The following APOBEC3F variants were observed in gnomAD, a reference collection of about 807,000 sequenced individuals.
The protein encoded by APOBEC3F is DNA dC->dU-editing enzyme APOBEC-3F.
APOBEC3F carries 34 observed loss-of-function variants against 45.8 expected under a neutral mutation model. The ratio of observed to expected loss-of-function variants is 0.74; its 90% confidence interval spans 0.57 to 0.99. The LOEUF (loss-of-function observed/expected upper bound fraction) is 0.99, where lower values mean the gene tolerates loss of function less well. Ranked by LOEUF, APOBEC3F falls within the 50% of genes least tolerant of loss-of-function variation. The pLI is 0.00. For synonymous variants in APOBEC3F, 192 were observed against 174.4 expected (o/e 1.10, Z -0.80); for missense variants, 459 against 474.1 (o/e 0.97, Z 0.30).
chr22:39,051,259 C>T (rs1329591625), intron 5 of APOBEC3F, among the ~76,000 whole-genome samples: 2 of 151,394 alleles, frequency 1.3e-5, no homozygotes, highest in Non-Finnish European at 2.9e-5. Flanking sequence ...AGAGGAACGG[C>T]CAGGTGCAGT....
chr22:39,045,565 A>G lies in APOBEC3F; in HGVS notation c.566+23A>G, dbSNP rs189630104. On this transcript the variant is annotated intron_variant, in intron 4 of 6. Coordinates refer to ENST00000308521, the MANE Select transcript of APOBEC3F (RefSeq NM_145298.6). Reference sequence around the variant, plus strand: ...CAGGTGAGGGTCTCCCTCTGGCCTCATCGTCTGTCTCCTCTCGCCTCCTGC... The same window carrying G: ...CAGGTGAGGGTCTCCCTCTGGCCTCGTCGTCTGTCTCCTCTCGCCTCCTGC... The G allele has an allele frequency of 1.4e-5, 23 of 1,613,792 alleles. No homozygotes were observed. The East Asian group carries it at 4.9e-4, about 34-fold the overall frequency.
chr22:39,044,298 C>T, intron 2 of APOBEC3F: 1 of 1,514,778 alleles, frequency 6.6e-7, no homozygotes, highest in Non-Finnish European at 8.8e-7. Context: ...ACGCATGAGG[C>T]TCTGAACAGG....
In APOBEC3F at chr22:39,045,110, C is replaced by A; in HGVS notation, c.341C>A (p.Thr114Asn). 6.2e-7 allele frequency: 1 copy of A among 1,614,036 alleles called. No individual in the cohort carries two copies. Among genetic ancestry groups the A allele is most frequent in the Non-Finnish European group, 8.5e-7 (1 of 1,179,972 alleles). ...AEFLAEHPNV[T>N]LTISAARLYY... is the part of the protein sequence containing the mutation. The stretch of plus-strand genomic sequence containing the variant: ...TTCCTGGCTGAGCACCCCAATGTCA[C>A]CCTGACCATCTCCGCCGCCCGCCTC... The change falls in exon 3 of 7, where the codon ACC becomes AAC. Residue 114 changes from threonine to asparagine, a missense_variant. Thr to Asn is a moderately conservative substitution (Grantham distance 65, BLOSUM62 0). Transcript: ENST00000308521.
chr22:39,052,035 A>G (rs568169567), intron 5 of APOBEC3F, 39 bp from the exon 6 acceptor site: 43 of 1,608,526 alleles, frequency 2.7e-5, no homozygotes, highest in East Asian at 1.1e-4. Flanking sequence ...TCCTGCTCCT[A>G]GTCTGAGCTC....
At chr22:39,041,862 C>G (rs561786423) in intron 1 of APOBEC3F, among the ~76,000 whole-genome samples, 1 of 148,412 alleles carries the variant, frequency 6.7e-6, no homozygotes, top group East Asian at 2.0e-4. Context: ...AATTTCGTCT[C>G]AAAAGAAAAA....
intron 2 of APOBEC3F, 136 bp downstream of exon 2, chr22:39,043,226 C>T: frequency 1.6e-6 from 2 of 1,254,240 alleles, no homozygotes; most frequent in Non-Finnish European, 2.2e-6. Flanking sequence ...AAGTCCGTGG[C>T]CCTGACCTTC....
Position 39,052,984 on chromosome 22 carries a change from TA to T in APOBEC3F, c.*291del. Reference sequence around the variant, plus strand: ...CTTTTCCCATCTCCCCAGCATAACCTAATATTTTTTTTTTTTTTTTGAGACG... The same window carrying T: ...CTTTTCCCATCTCCCCAGCATAACCTATATTTTTTTTTTTTTTTTGAGACG... On this transcript the variant is annotated 3_prime_UTR_variant, in exon 7 of 7. Transcript: ENST00000308521. 1.5e-5 allele frequency: 5 copies of T among 329,010 alleles called. No homozygotes were observed. The highest frequency in any genetic ancestry group is 5.1e-5 in the Admixed American group (1 of 19,580). The allele number at this position is 329,010 out of a possible 1,614,324, so 20.4% of individuals were successfully genotyped here.
intron 5 of APOBEC3F, among the ~76,000 whole-genome samples, chr22:39,051,275 A>G (rs1927470249): frequency 6.6e-6 from 1 of 151,828 alleles, no homozygotes; most frequent in Non-Finnish European, 1.5e-5. Flanking sequence ...GCAGTGGTTC[A>G]CGCCTGTAAT....
intron 1 of APOBEC3F, among the ~76,000 whole-genome samples, chr22:39,041,873 A>G (rs928883739): frequency 1.3e-5 from 2 of 152,186 alleles, no homozygotes; most frequent in African/African-American, 4.8e-5. Flanking sequence ...AAAAGAAAAA[A>G]AAACAAAAAC....
chr22:39,052,003 C>A, intron 5 of APOBEC3F, 71 bp from the exon 6 acceptor site: 1 of 1,583,848 alleles, frequency 6.3e-7, no homozygotes, highest in South Asian at 1.1e-5. Flanking sequence ...CCTCTGCTCC[C>A]ATCGCCCCAC....
rs189944767 is a variant in APOBEC3F, at chr22:39,054,202, G to A, written c.*1507G>A. Among the ~76,000 whole-genome samples the A allele has an allele frequency of 7.1e-4, 107 of 151,644 alleles. 2 individuals are homozygous for A. The highest frequency in any genetic ancestry group is 6.1e-3 in the Admixed American group (93 of 15,214). On this transcript the variant is annotated 3_prime_UTR_variant, in exon 7 of 7. Transcript: ENST00000308521. ...TAATTTTTGTATTTTTCATAAAAACGGGTTTCATCATGTTTCCCAGGCTGG... is the reference window on the plus strand; with the variant it reads ...TAATTTTTGTATTTTTCATAAAAACAGGTTTCATCATGTTTCCCAGGCTGG...
chr22:39,041,489 G>A (rs1251215390), intron 1 of APOBEC3F, among the ~76,000 whole-genome samples: 1 of 152,112 alleles, frequency 6.6e-6, no homozygotes, highest in Non-Finnish European at 1.5e-5. Context: ...TCCACTGTGG[G>A]CAGAGGAGGA....
At chr22:39,047,017 G>A (rs1242273933) in intron 4 of APOBEC3F, among the ~76,000 whole-genome samples, 1 of 152,134 alleles carries the variant, frequency 6.6e-6, no homozygotes, top group African/African-American at 2.4e-5. Flanking sequence ...CTGCAAGACA[G>A]GGTGGCCGGG....
intron 2 of APOBEC3F, chr22:39,044,063 G>A (rs2146341636): frequency 2.6e-6 from 4 of 1,535,162 alleles, no homozygotes; most frequent in Middle Eastern, 3.4e-4. Flanking sequence ...TAAATGAGCG[G>A]TGTATGGTGT....
At chr22:39,041,421 G>A (rs1320434422) in intron 1 of APOBEC3F, among the ~76,000 whole-genome samples, 2 of 151,994 alleles carry the variant, frequency 1.3e-5, no homozygotes, top group African/African-American at 4.8e-5. Flanking sequence ...CTTAGGAGAG[G>A]GTGTGGGGAG....
intron 4 of APOBEC3F, 136 bp downstream of exon 4, chr22:39,045,678 C>T: frequency 6.9e-7 from 1 of 1,455,912 alleles, no homozygotes; most frequent in South Asian, 1.3e-5. Flanking sequence ...CTCACCCACA[C>T]TCCTTGTGCT....
At chr22:39,044,032 A>C (rs1927068320) in intron 2 of APOBEC3F, 1 of 1,491,868 alleles carries the variant, frequency 6.7e-7, no homozygotes. Flanking sequence ...TCTCAAAACA[A>C]AAACAAAAAA....
Position 39,055,835 on chromosome 22 carries a change from A to G in APOBEC3F, c.*3140A>G, listed in dbSNP as rs1927670679. Among the ~76,000 whole-genome samples the G allele has an allele frequency of 6.6e-6, 1 of 151,932 alleles. No homozygotes were observed. Among genetic ancestry groups the G allele is most frequent in the Non-Finnish European group, 1.5e-5 (1 of 67,984 alleles). ...CAGTCACGTAGCCCACGCTTGCACA[A>G]TCTATCACGACCCTTTCACGTGGAC... On this transcript the variant is annotated 3_prime_UTR_variant, in exon 7 of 7. Transcript: ENST00000308521.
chr22:39,041,214 ACT>A (rs1179807165), intron 1 of APOBEC3F, among the ~76,000 whole-genome samples: 1 of 148,044 alleles, frequency 6.8e-6, no homozygotes. Context: ...CCCTGCTGAG[ACT>A]CTCCCCCGCC....
Sources: allele counts gnomAD v4.1 joint callset (sites outside exome capture counted in the v4.1 genomes callset), GRCh38; gene constraint gnomAD v4.1.1; transcripts MANE v1.5; gene names NCBI Gene and HGNC (gene_info 2026-07-23, HGNC 2026-07-21).